Variants in NUBPL observed in about 807,000 individuals in gnomAD.
NUBPL encodes the protein iron-sulfur cluster transfer protein NUBPL.
NUBPL carries 31 observed loss-of-function variants against 45.7 expected under a neutral mutation model. The ratio of observed to expected loss-of-function variants is 0.68; its 90% confidence interval spans 0.51 to 0.92. The LOEUF (loss-of-function observed/expected upper bound fraction) is 0.92. Among genes scored for constraint, NUBPL ranks in the 40% least tolerant of loss-of-function variants. NUBPL has a pLI of 0.00. For missense variants in NUBPL, 401 were observed against 398.7 expected (o/e 1.01, Z -0.05); for synonymous variants, 144 against 140.9 (o/e 1.02, Z -0.15).
intron 3 of NUBPL, among the ~76,000 whole-genome samples, chr14:31,590,232 C>G (rs546796117): frequency 3.3e-5 from 5 of 152,240 alleles, no homozygotes; most frequent in Admixed American, 2.0e-4. Context: ...CCTCTGCCTC[C>G]CAGGTTCAGG....
chr14:31,568,875 G>A (rs748155414), intron 3 of NUBPL, among the ~76,000 whole-genome samples: 17 of 152,184 alleles, frequency 1.1e-4, no homozygotes, highest in Non-Finnish European at 1.3e-4. Flanking sequence ...AGTGGATTGC[G>A]TAAGCCCTGG....
chr14:31,583,968 G>T (rs551409848), intron 3 of NUBPL, among the ~76,000 whole-genome samples: 1 of 152,112 alleles, frequency 6.6e-6, no homozygotes, highest in Non-Finnish European at 1.5e-5. Context: ...TTCAAGTTTG[G>T]TACACAAAAT....
chr14:31,579,468 C>G (rs2033806514), intron 3 of NUBPL, among the ~76,000 whole-genome samples: 1 of 152,126 alleles, frequency 6.6e-6, no homozygotes, highest in Admixed American at 6.5e-5. Context: ...TGTCTGTTAG[C>G]CCCCAAGCTG....
chr14:31,592,089 G>T (rs2034157236), intron 3 of NUBPL, among the ~76,000 whole-genome samples: 1 of 152,170 alleles, frequency 6.6e-6, no homozygotes, highest in Non-Finnish European at 1.5e-5. Context: ...TTGAAAACAT[G>T]ACACTTGAGC....
At chr14:31,630,855 T>A (rs1195216171) in intron 4 of NUBPL, among the ~76,000 whole-genome samples, 2 of 152,212 alleles carry the variant, frequency 1.3e-5, no homozygotes, top group Admixed American at 1.3e-4. Flanking sequence ...AGCTTGTATC[T>A]CCAGTGATTC....
intron 6 of NUBPL, among the ~76,000 whole-genome samples, chr14:31,704,599 G>T (rs2037406239): frequency 6.6e-6 from 1 of 151,974 alleles, no homozygotes; most frequent in Non-Finnish European, 1.5e-5. Flanking sequence ...GGAGGCGGAG[G>T]TTGCTGTGAG....
intron 2 of NUBPL, among the ~76,000 whole-genome samples, chr14:31,563,410 G>A (rs538908775): frequency 3.3e-5 from 5 of 152,290 alleles, no homozygotes; most frequent in Admixed American, 1.3e-4. Flanking sequence ...ACAGGAAAAT[G>A]TATGAGAAAG....
chr14:31,594,429 A>T (rs569309773), intron 3 of NUBPL, among the ~76,000 whole-genome samples: 2 of 152,278 alleles, frequency 1.3e-5, no homozygotes, highest in South Asian at 4.1e-4. Context: ...ACCAAAAAGA[A>T]ATCTGCCATT....
chr14:31,573,365 G>C (rs968666974), intron 3 of NUBPL, among the ~76,000 whole-genome samples: 1 of 152,046 alleles, frequency 6.6e-6, no homozygotes, highest in Non-Finnish European at 1.5e-5. Context: ...CTGGTTACTA[G>C]TCACGTGCCT....
intron 4 of NUBPL, among the ~76,000 whole-genome samples, chr14:31,632,008 G>C (rs2035357898): frequency 1.3e-5 from 2 of 152,118 alleles, no homozygotes; most frequent in Non-Finnish European, 2.9e-5. Flanking sequence ...GTATAATAAT[G>C]AATCAGTACC....
chr14:31,820,746 T>G (rs376161481), intron 7 of NUBPL, among the ~76,000 whole-genome samples: 50 of 144,712 alleles, frequency 3.5e-4, no homozygotes, highest in African/African-American at 1.2e-3. Context: ...ATTGCTTGAA[T>G]CCGGGAGGTG....
At chr14:31,778,342 A>G (rs2039132906) in intron 6 of NUBPL, among the ~76,000 whole-genome samples, 1 of 152,080 alleles carries the variant, frequency 6.6e-6, no homozygotes, top group Non-Finnish European at 1.5e-5. Flanking sequence ...CAAAAAAAAC[A>G]ATGTGGTTTC....
Position 31,633,677 on chromosome 14 carries a change from C to T in NUBPL, c.382+34298C>T, listed in dbSNP as rs1470337222. On this transcript the variant is annotated intron_variant, in intron 4 of 10. Transcript: ENST00000281081. The stretch of plus-strand genomic sequence containing the variant: ...CAACACTGAGGGAGATTTTGTTGTT[C>T]CATGACAGCTCTATTTATTAACTGG... 2.0e-5 allele frequency among the ~76,000 whole-genome samples: 3 copies of T among 152,100 alleles called. No individual in the cohort carries two copies. In the East Asian group the frequency reaches 5.8e-4, roughly 29 times the overall value.
At chr14:31,843,629 A>C (rs891429705) in intron 8 of NUBPL, 2 of 152,142 alleles carry the variant, frequency 1.3e-5, no homozygotes, top group East Asian at 1.9e-4. Context: ...AACTCCACTC[A>C]CACCACACCT....
chr14:31,617,420 A>G (rs896700111), intron 4 of NUBPL, among the ~76,000 whole-genome samples: 1 of 152,078 alleles, frequency 6.6e-6, no homozygotes, highest in African/African-American at 2.4e-5. Context: ...GTTTGTCATA[A>G]ATAGCTCTTA....
At chr14:31,591,470 T>A (rs995699861) in intron 3 of NUBPL, among the ~76,000 whole-genome samples, 2 of 152,118 alleles carry the variant, frequency 1.3e-5, no homozygotes, top group Admixed American at 6.5e-5. Context: ...CCATATTTTT[T>A]AATAAAGCCA....
At chr14:31,844,984 C>T (rs2040429981) in intron 8 of NUBPL, 2 of 152,158 alleles carry the variant, frequency 1.3e-5, no homozygotes, top group African/African-American at 4.8e-5. Context: ...GTATCATCTT[C>T]CCTCAATATA....
intron 7 of NUBPL, among the ~76,000 whole-genome samples, chr14:31,816,589 TCTTG>T (rs761509160): frequency 4.6e-5 from 7 of 152,148 alleles, no homozygotes; most frequent in Non-Finnish European, 8.8e-5. Context: ...ATTTGTTTCC[TCTTG>T]CTTCTCTAAT....
At position 31,842,396 on chromosome 14, in the gene NUBPL, T is replaced by C. The variant is rs554990319; in HGVS notation, c.694-4075T>C. Reference sequence around the variant, plus strand: ...CATTTATCCTTTAACTAGGAGAAGTTACATATTATCAGTAATAGAGCCAAG... The same window carrying C: ...CATTTATCCTTTAACTAGGAGAAGTCACATATTATCAGTAATAGAGCCAAG... On this transcript the variant is annotated intron_variant, in intron 8 of 10. Coordinates refer to ENST00000281081, the MANE Select transcript of NUBPL (RefSeq NM_025152.3). Among the ~76,000 whole-genome samples the C allele has an allele frequency of 5.7e-4, 87 of 152,316 alleles. 1 individual carries two copies. The highest frequency in any genetic ancestry group is 1.9e-3 in the African/African-American group (79 of 41,572).
Sources: gnomAD v4.1 joint callset for allele counts (sites outside exome capture counted in the v4.1 genomes callset) on GRCh38, gnomAD v4.1.1 for gene constraint, MANE v1.5 for transcripts, NCBI Gene and HGNC (gene_info 2026-07-23, HGNC 2026-07-21) for gene names.